LYST: variants seen among roughly 807,000 people sequenced by gnomAD.
LYST encodes lysosomal trafficking regulator, also known as lysosomal-trafficking regulator.
A neutral mutation model predicts 413.6 loss-of-function variants in LYST; 192 were observed. That is an observed-to-expected ratio of 0.46 (90% CI 0.41 to 0.52). LYST has a LOEUF of 0.52. Among genes scored for constraint, LYST ranks in the 20% least tolerant of loss-of-function variants. The pLI is 0.00. For missense variants in LYST, 3,815 were observed against 4,499.9 expected (o/e 0.85, Z 4.35); for synonymous variants, 1,525 against 1,567.3 (o/e 0.97, Z 0.64).
chr1:235,811,624 T>C (rs1215767598), intron 4 of LYST, among the ~76,000 whole-genome samples: 2 of 152,156 alleles, frequency 1.3e-5, no homozygotes, highest in Non-Finnish European at 2.9e-5. Context: ...AGATCAGTCT[T>C]TCTCTTTGCA....
At chr1:235,839,306 G>C (rs1676936251) in intron 1 of LYST, among the ~76,000 whole-genome samples, 1 of 151,264 alleles carries the variant, frequency 6.6e-6, no homozygotes. Context: ...GCCCAGGATG[G>C]AGTGCAGTGG....
At chr1:235,767,898 T>C (rs1668297252) in intron 20 of LYST, among the ~76,000 whole-genome samples, 1 of 152,088 alleles carries the variant, frequency 6.6e-6, no homozygotes, top group South Asian at 2.1e-4. Context: ...CAAGGTATCA[T>C]CTTCTTCTCT....
chr1:235,843,719 CCTTGT>C (rs1342862691), intron 1 of LYST, among the ~76,000 whole-genome samples: 3 of 151,860 alleles, frequency 2.0e-5, no homozygotes, highest in Non-Finnish European at 4.4e-5. Context: ...TCTGCTTTTT[CCTTGT>C]CTTGTGGCTT....
chr1:235,844,190 T>C (rs1677528091), intron 1 of LYST, among the ~76,000 whole-genome samples: 1 of 152,168 alleles, frequency 6.6e-6, no homozygotes, highest in African/African-American at 2.4e-5. Flanking sequence ...TATATATTGA[T>C]AGATTGATTA....
At chr1:235,667,932 G>T (rs2103016399) in intron 50 of LYST, among the ~76,000 whole-genome samples, 1 of 152,100 alleles carries the variant, frequency 6.6e-6, no homozygotes, top group African/African-American at 2.4e-5. Flanking sequence ...AAAGTGCAGG[G>T]ATTACAGGCA....
chr1:235,741,729 T>G (rs1193397919), intron 30 of LYST, 101 bp from the exon 31 acceptor site: 1 of 877,216 alleles, frequency 1.1e-6, no homozygotes. Flanking sequence ...ACACGTTTTA[T>G]TCCAGATTGG....
chr1:235,732,415 G>A (rs1040521656), intron 34 of LYST, among the ~76,000 whole-genome samples: 3 of 152,086 alleles, frequency 2.0e-5, no homozygotes, highest in East Asian at 1.9e-4. Context: ...TGATCCTCCC[G>A]CCTCAGCCTC....
chr1:235,682,152 A>T (rs985703284), intron 48 of LYST, among the ~76,000 whole-genome samples: 13 of 152,076 alleles, frequency 8.5e-5, no homozygotes, highest in African/African-American at 3.1e-4. Context: ...TCTAGAAAAA[A>T]ATTTAAAAAG....
chr1:235,816,371 C>T (rs1390565198), intron 3 of LYST, among the ~76,000 whole-genome samples: 15 of 126,378 alleles, frequency 1.2e-4, no homozygotes, highest in Admixed American at 7.4e-4. Flanking sequence ...ACCTGAGAGG[C>T]GGAGGTTGCA....
chr1:235,860,802 T>C (rs1225836291), intron 1 of LYST, among the ~76,000 whole-genome samples: 2 of 152,108 alleles, frequency 1.3e-5, no homozygotes, highest in Non-Finnish European at 1.5e-5. Context: ...ATATCTAGTA[T>C]CCCCTGAAGT....
At chr1:235,837,005 A>G (rs2104125) in intron 1 of LYST, among the ~76,000 whole-genome samples, 122,690 of 152,204 alleles carry the variant, frequency 0.81, 49,750 homozygotes, top group African/African-American at 0.91. Flanking sequence ...ATAACCCAGA[A>G]CAGTGCTGTT....
intron 3 of LYST, chr1:235,828,646 T>G: frequency 4.9e-6 from 2 of 412,214 alleles, no homozygotes; most frequent in Non-Finnish European, 6.5e-6. Context: ...CATATTTTAT[T>G]AGAGTCATTC....
chr1:235,749,345 A>G (rs1406678182), intron 28 of LYST, among the ~76,000 whole-genome samples: 1 of 152,180 alleles, frequency 6.6e-6, no homozygotes, highest in African/African-American at 2.4e-5. Flanking sequence ...CCGAACACAT[A>G]TAAAGTGGTA....
rs202010795 is a variant in LYST, at chr1:235,743,987, C to G, written c.8143G>C (p.Val2715Leu). The G allele has an allele frequency of 7.0e-7, 1 of 1,435,368 alleles. No homozygotes were observed. The highest frequency in any genetic ancestry group is 9.8e-7 in the Non-Finnish European group (1 of 1,019,244). 88.9% of individuals were successfully genotyped at this position (1,435,368 alleles called of 1,614,324 possible). A position where few individuals can be genotyped will look rare whatever the true frequency, so the allele number is the denominator to read the frequency against. The change falls in exon 30 of 53, where the codon GTA (valine) becomes CTA (leucine). Residue 2715 changes from valine to leucine, a missense_variant. By Grantham distance (32) the Val-to-Leu change is conservative. Transcript: ENST00000389793. ...GTAATTAATTTACTTACAATAGATA[C>G]TTTGAATCCTTCTACCAGATATGTA... ...IFTYLVEGFK[V>L]SIGSSKASGS...
At position 235,724,145 on chromosome 1, in the gene LYST, G is replaced by T; in HGVS notation, c.9198C>A (p.Ser3066=). ...LQGELEPASF[S]WTYEEIKEVH... ...CTTCTTTAATTTCTTCATATGTCCA[G>T]GAAAATGATGCTGGTTCCAACTCTC... The change falls in exon 39 of 53, where the codon TCC becomes TCA. Residue 3066 remains serine (S), a synonymous_variant. Transcript: ENST00000389793. 2 of 1,613,818 alleles carry T rather than the reference G, an allele frequency of 1.2e-6. No individual in the cohort carries two copies. Among genetic ancestry groups the T allele is most frequent in the Non-Finnish European group, 1.7e-6 (2 of 1,179,846 alleles).
intron 50 of LYST, among the ~76,000 whole-genome samples, chr1:235,673,259 AT>A (rs1307079599): frequency 6.6e-6 from 1 of 151,434 alleles, no homozygotes; most frequent in East Asian, 1.9e-4. Flanking sequence ...CACCCCCTCC[AT>A]TTTATTATTA....
At chr1:235,799,321 C>T (rs918600785) in intron 10 of LYST, among the ~76,000 whole-genome samples, 1 of 152,028 alleles carries the variant, frequency 6.6e-6, no homozygotes, top group South Asian at 2.1e-4. Flanking sequence ...AGAAAAAGTA[C>T]ATTTACATAG....
intron 47 of LYST, among the ~76,000 whole-genome samples, chr1:235,690,077 G>A (rs1660531340): frequency 6.6e-6 from 1 of 152,198 alleles, no homozygotes. Flanking sequence ...GAATTTGATT[G>A]AAAGCTTATG....
intron 48 of LYST, among the ~76,000 whole-genome samples, chr1:235,685,821 G>A (rs1660171390): frequency 6.6e-6 from 1 of 150,940 alleles, no homozygotes; most frequent in South Asian, 2.1e-4. Context: ...ACTCTGGCCT[G>A]GGCGACAGAG....
Sources: gnomAD v4.1 joint callset for allele counts (sites outside exome capture counted in the v4.1 genomes callset) on GRCh38, gnomAD v4.1.1 for gene constraint, MANE v1.5 for transcripts, NCBI Gene and HGNC (gene_info 2026-07-23, HGNC 2026-07-21) for gene names.